GALK1: variants seen among roughly 807,000 people sequenced by gnomAD.
GALK1 encodes the protein galactokinase.
In GALK1, 30 loss-of-function variants were observed where a neutral mutation model predicts 38.6. The observed-to-expected ratio is 0.78, with a 90% CI of 0.58 to 1.05. The LOEUF is 1.05. Among genes scored for constraint, GALK1 ranks in the 50% least tolerant of loss-of-function variants. The pLI, the probability that GALK1 is intolerant of heterozygous loss-of-function variation, is 0.00. For synonymous variants in GALK1, 240 were observed against 233.6 expected (o/e 1.03, Z -0.25); for missense variants, 512 against 540.5 (o/e 0.95, Z 0.52).
downstream of GALK1, chr17:75,754,006 C>A (rs1035633329): frequency 3.0e-6 from 3 of 998,490 alleles, no homozygotes; most frequent in Non-Finnish European, 2.6e-6. Context: ...CCCCGATCCG[C>A]GCCCACCCAG....
At chr17:75,754,517 C>G (rs2061440862), downstream of GALK1, 29 of 1,609,484 alleles carry the variant, frequency 1.8e-5, no homozygotes, top group Non-Finnish European at 2.4e-5. Flanking sequence ...GCCCAGCCTG[C>G]CCCACGGGGC....
chr17:75,763,536 C>A, intron 2 of GALK1, 97 bp from the exon 3 acceptor site: 1 of 1,345,156 alleles, frequency 7.4e-7, no homozygotes, highest in Non-Finnish European at 1.0e-6. Context: ...AACGGCCTAG[C>A]AGCTGTTTCT....
intron 2 of GALK1, 196 bp downstream of exon 2, chr17:75,763,701 G>C: frequency 1.4e-6 from 1 of 711,852 alleles, no homozygotes; most frequent in Non-Finnish European, 2.4e-6. Context: ...TCAAATCCTG[G>C]CTCCTCCAAT....
intron 8 of GALK1, chr17:75,752,383 G>A: frequency 6.2e-6 from 10 of 1,612,624 alleles, no homozygotes; most frequent in Non-Finnish European, 8.5e-6. Context: ...GAGGTGAGGG[G>A]CAGACCGGGC....
chr17:75,756,604 G>C (rs768420296), downstream of GALK1: 1 of 1,612,790 alleles, frequency 6.2e-7, no homozygotes, highest in Non-Finnish European at 8.5e-7. Flanking sequence ...AGAGCCCACT[G>C]TGTCCCCTGC....
At chr17:75,757,224 G>C, downstream of GALK1, 1 of 1,611,850 alleles carries the variant, frequency 6.2e-7, no homozygotes, top group Non-Finnish European at 8.5e-7. Context: ...CTGGGCAGCC[G>C]TGCCGGGCTC....
chr17:75,758,992 T>C (rs1409893129), intron 5 of GALK1, among the ~76,000 whole-genome samples: 7 of 152,078 alleles, frequency 4.6e-5, no homozygotes, highest in Non-Finnish European at 7.4e-5. Context: ...CCCATCTGAC[T>C]GGAGCTGAGG....
In GALK1 at chr17:75,762,834, G is replaced by A. The variant is rs2143601784; in HGVS notation, c.663C>T (p.Leu221=). Residue 221 remains leucine, a synonymous_variant, in exon 5 of 8, where the codon CTC becomes CTT. Coordinates refer to ENST00000588479, the MANE Select transcript of GALK1 (RefSeq NM_000154.2). ...VPLSDPKLAV[L]ITNSNVRHSL... is the part of the protein sequence containing the mutation. ...AGTGGCGGACATTAGAGTTGGTGAT[G>A]AGCACGGCCAGCTTGGGGTCCGAGA... The A allele has an allele frequency of 1.2e-6, 2 of 1,613,684 alleles. No homozygotes were observed. The highest frequency in any genetic ancestry group is 1.7e-6 in the Non-Finnish European group (2 of 1,179,916).
At chr17:75,754,719 C>T (rs548288813), downstream of GALK1, 144 of 1,614,186 alleles carry the variant, frequency 8.9e-5, no homozygotes, top group South Asian at 1.3e-3. Context: ...ATCCTCCACC[C>T]TCACACGGGA....
intron 8 of GALK1, chr17:75,752,386 G>T: frequency 1.2e-6 from 2 of 1,612,666 alleles, no homozygotes; most frequent in South Asian, 2.2e-5. Context: ...GTGAGGGGCA[G>T]ACCGGGCAGG....
chr17:75,765,028 G>C lies in GALK1; in HGVS notation c.109C>G (p.Arg37Gly). The C allele has an allele frequency of 6.2e-7, 1 of 1,610,018 alleles. No individual in the cohort carries two copies. Among genetic ancestry groups the C allele is most frequent in the Non-Finnish European group, 8.5e-7 (1 of 1,178,608 alleles). Reference sequence around the variant, plus strand: ...GTGTGTTCCCCGATGAGGTTGACGCGGCCCGGCGCTGACACGGCCAGCTCG... The same window carrying C: ...GTGTGTTCCCCGATGAGGTTGACGCCGCCCGGCGCTGACACGGCCAGCTCG... ...EPELAVSAPG[R>G]VNLIGEHTDY... The change falls in exon 1 of 8, where the codon CGC (arginine) becomes GGC (glycine). Residue 37 changes from arginine (R) to glycine (G), a missense_variant. Physicochemically the swap from Arg to Gly is moderately radical, Grantham distance 125. Transcript: ENST00000588479.
Position 75,763,390 on chromosome 17 carries a change from C to T in GALK1, c.405G>A (p.Leu135=). 1 of 1,612,992 alleles carries T rather than the reference C, an allele frequency of 6.2e-7. No homozygotes were observed. The highest frequency in any genetic ancestry group is 1.1e-5 in the South Asian group (1 of 90,880). Residue 135 remains leucine (L), a synonymous_variant, in exon 3 of 8, where the codon CTG becomes CTA. Coordinates refer to ENST00000588479, the MANE Select transcript of GALK1 (RefSeq NM_000154.2). Reference sequence around the variant, plus strand: ...ATGCTGAGCTGGACAGGCCACCCCCCAGGGGCACTGAGCTGACCACCACTG... The same window carrying T: ...ATGCTGAGCTGGACAGGCCACCCCCTAGGGGCACTGAGCTGACCACCACTG... ...FSAVVVSSVP[L]GGGLSSSASL...
downstream of GALK1, chr17:75,757,514 A>G (rs757045931): frequency 6.2e-7 from 1 of 1,613,308 alleles, no homozygotes; most frequent in South Asian, 1.1e-5. Context: ...CACCAGCGGA[A>G]CCCTTAGCAC....
chr17:75,752,316 C>T, intron 8 of GALK1: 1 of 1,612,978 alleles, frequency 6.2e-7, no homozygotes, highest in Non-Finnish European at 8.5e-7. Context: ...AGCGGGAGGC[C>T]ATCATCAACC....
At chr17:75,764,134 A>C in intron 1 of GALK1, 48 bp from the exon 2 acceptor site, 1 of 1,511,942 alleles carries the variant, frequency 6.6e-7, no homozygotes, top group Non-Finnish European at 8.9e-7. Context: ...AGCTGGAGTA[A>C]GCCTCTCCAA....
At chr17:75,756,809 A>T (rs373930132), downstream of GALK1, 2 of 1,612,528 alleles carry the variant, frequency 1.2e-6, no homozygotes, top group East Asian at 4.5e-5. Flanking sequence ...CGGAGGCCCA[A>T]TGGGGATATC....
At chr17:75,757,462 C>T (rs1423037489), downstream of GALK1, 1 of 1,612,714 alleles carries the variant, frequency 6.2e-7, no homozygotes, top group Non-Finnish European at 8.5e-7. Context: ...GCGGCTCCCT[C>T]ACCCGGCATG....
downstream of GALK1, among the ~76,000 whole-genome samples, chr17:75,753,366 G>C (rs1400562627): frequency 6.6e-6 from 1 of 152,152 alleles, no homozygotes; most frequent in Non-Finnish European, 1.5e-5. Flanking sequence ...GGTGGCTTGC[G>C]GAACGGTCCC....
chr17:75,761,555 T>C (rs1475796619), intron 5 of GALK1, among the ~76,000 whole-genome samples: 4 of 142,488 alleles, frequency 2.8e-5, no homozygotes, highest in Admixed American at 7.4e-5. Context: ...AGGTGGAGGA[T>C]GCAGTGAGCC....
Sources: allele counts gnomAD v4.1 joint callset (sites outside exome capture counted in the v4.1 genomes callset), GRCh38; gene constraint gnomAD v4.1.1; transcripts MANE v1.5; gene names NCBI Gene and HGNC (gene_info 2026-07-23, HGNC 2026-07-21).